MMAA: variants seen among roughly 807,000 people sequenced by gnomAD.
MMAA encodes metabolism of cobalamin associated A.
MMAA carries 41 observed loss-of-function variants against 45.0 expected under a neutral mutation model. The observed-to-expected ratio is 0.91, with a 90% confidence interval of 0.71 to 1.18. The LOEUF is 1.18. Ranked by LOEUF, MMAA falls within the 50% of genes most tolerant of loss-of-function variation. The pLI, the probability that MMAA is intolerant of heterozygous loss-of-function variation, is 0.00. For missense variants in MMAA, 460 were observed against 495.7 expected (o/e 0.93, Z 0.68); for synonymous variants, 154 against 178.2 (o/e 0.86, Z 1.08).
intron 1 of MMAA, chr4:145,624,758 A>G (rs981686321): frequency 3.1e-6 from 5 of 1,598,692 alleles, no homozygotes; most frequent in Admixed American, 1.7e-5. Flanking sequence ...TCTCCTCACA[A>G]TTCTCATCAT....
chr4:145,643,673 C>T (rs920896094), intron 3 of MMAA, among the ~76,000 whole-genome samples: 1 of 152,068 alleles, frequency 6.6e-6, no homozygotes, highest in Non-Finnish European at 1.5e-5. Flanking sequence ...AAAATTAAAT[C>T]CATGTCAATA....
chr4:145,639,291 G>T lies in MMAA; in HGVS notation c.152G>T (p.Cys51Phe). ...CCGTTTAATTCTCTTGGACTCCATT[G>T]TACAAAGTGGATGCTGCTGTCAGAT... ...AQPFNSLGLH[C>F]TKWMLLSDGL... The change falls in exon 2 of 7, where the codon TGT becomes TTT. Residue 51 changes from cysteine to phenylalanine, a missense_variant. By Grantham distance (205) the Cys-to-Phe change is radical (BLOSUM62 -2). Coordinates refer to ENST00000649156, the MANE Select transcript of MMAA (RefSeq NM_172250.3). The T allele has an allele frequency of 6.2e-7, 1 of 1,614,152 alleles. No homozygotes were observed. The highest frequency in any genetic ancestry group is 1.7e-5 in the Admixed American group (1 of 60,018).
chr4:145,621,672 T>G (rs1457064095), intron 1 of MMAA, among the ~76,000 whole-genome samples: 1 of 152,134 alleles, frequency 6.6e-6, no homozygotes, highest in African/African-American at 2.4e-5. Context: ...CATTGAGAAA[T>G]GGAAACACTT....
chr4:145,641,817 T>A (rs1010073308), intron 2 of MMAA, among the ~76,000 whole-genome samples: 1 of 152,236 alleles, frequency 6.6e-6, no homozygotes, highest in African/African-American at 2.4e-5. Flanking sequence ...TGGGGGAGTT[T>A]TCTGCTTTTC....
rs183055263 is a variant in MMAA, at chr4:145,650,146, T to C, written c.734-916T>C. 5.3e-5 allele frequency among the ~76,000 whole-genome samples: 8 copies of C among 152,316 alleles called. No homozygotes were observed. The East Asian group carries it at 1.5e-3, about 29-fold the overall frequency. Reference sequence around the variant, plus strand: ...TTTTTGTCTTGTTATTTTGTTGTTGTTGTTTTTGTTTTATGTGGCTTTAAG... The same window carrying C: ...TTTTTGTCTTGTTATTTTGTTGTTGCTGTTTTTGTTTTATGTGGCTTTAAG... On this transcript the variant is annotated intron_variant, in intron 4 of 6. Coordinates refer to ENST00000649156, the MANE Select transcript of MMAA (RefSeq NM_172250.3).
At position 145,655,239 on chromosome 4, in the gene MMAA, G is replaced by T. The variant is rs1380432629; in HGVS notation, c.1062G>T (p.Glu354Asp). 4.3e-6 allele frequency: 7 copies of T among 1,614,144 alleles called. No individual in the cohort carries two copies. The South Asian group carries it at 7.7e-5, about 18-fold the overall frequency. The stretch of plus-strand genomic sequence containing the variant: ...AGGACCTAATGCTTGCCAGTGGGGA[G>T]CTGACTGCCAAACGACGGAAGCAAC... Reference protein sequence around the residue: ...DFQDLMLASGELTAKRRKQQK... With the variant: ...DFQDLMLASGDLTAKRRKQQK... The change falls in exon 7 of 7, where the codon GAG becomes GAT. Residue 354 changes from glutamate (E) to aspartate (D), a missense_variant. Coordinates refer to ENST00000649156, the MANE Select transcript of MMAA (RefSeq NM_172250.3).
intron 1 of MMAA, chr4:145,625,726 G>A (rs1220719673): frequency 4.8e-6 from 7 of 1,464,016 alleles, no homozygotes; most frequent in Non-Finnish European, 6.7e-6. Context: ...TCCAGTTGAT[G>A]AATAAGACAA....
intron 1 of MMAA, among the ~76,000 whole-genome samples, chr4:145,636,270 C>T (rs1727605895): frequency 6.6e-6 from 1 of 152,174 alleles, no homozygotes; most frequent in African/African-American, 2.4e-5. Flanking sequence ...TCAGGCTTTT[C>T]CTTTCCATTC....
chr4:145,637,862 C>A (rs959109851), intron 1 of MMAA, among the ~76,000 whole-genome samples: 6 of 152,226 alleles, frequency 3.9e-5, no homozygotes, highest in African/African-American at 1.2e-4. Context: ...TTTGCTCTCA[C>A]AACCACTCTG....
chr4:145,627,620 T>C (rs962634241), intron 1 of MMAA, among the ~76,000 whole-genome samples: 1 of 152,122 alleles, frequency 6.6e-6, no homozygotes, highest in Admixed American at 6.5e-5. Context: ...ACAAATACTA[T>C]TTTTGAGGTG....
At chr4:145,630,840 G>A (rs1560792430) in intron 1 of MMAA, among the ~76,000 whole-genome samples, 1 of 152,092 alleles carries the variant, frequency 6.6e-6, no homozygotes, top group Non-Finnish European at 1.5e-5. Flanking sequence ...ATAGGTTTTG[G>A]TATGATGTGT....
intron 1 of MMAA, among the ~76,000 whole-genome samples, chr4:145,633,591 G>T (rs1381637813): frequency 6.6e-6 from 1 of 152,156 alleles, no homozygotes; most frequent in African/African-American, 2.4e-5. Flanking sequence ...TTGGTGCCTG[G>T]TGCCTTATTT....
intron 3 of MMAA, among the ~76,000 whole-genome samples, chr4:145,643,575 G>T (rs1560797938): frequency 6.6e-6 from 1 of 152,070 alleles, no homozygotes; most frequent in African/African-American, 2.4e-5. Flanking sequence ...TCATCCCATT[G>T]AGAAATCTAG....
intron 4 of MMAA, chr4:145,646,387 T>A (rs1727928878): frequency 2.0e-6 from 1 of 500,032 alleles, no homozygotes; most frequent in Admixed American, 3.3e-5. Flanking sequence ...GTTATACAGG[T>A]GGTATATTAT....
intron 4 of MMAA, 45 bp downstream of exon 4, chr4:145,646,201 T>C: frequency 6.2e-7 from 1 of 1,606,114 alleles, no homozygotes; most frequent in Non-Finnish European, 8.5e-7. Flanking sequence ...ATTTTATGAA[T>C]GCTATATAAA....
intron 4 of MMAA, chr4:145,650,608 G>A (rs1728063637): frequency 5.9e-6 from 1 of 169,700 alleles, no homozygotes; most frequent in Admixed American, 5.6e-5. Flanking sequence ...AGAGTTGAGT[G>A]ATTTCTCTCA....
intron 1 of MMAA, among the ~76,000 whole-genome samples, chr4:145,636,169 T>C (rs1297837856): frequency 6.6e-6 from 1 of 152,228 alleles, no homozygotes; most frequent in Non-Finnish European, 1.5e-5. Context: ...CAGCTCTTTT[T>C]TTCTTTTTAT....
chr4:145,651,070 C>A lies in MMAA; in HGVS notation c.742C>A (p.Gln248Lys). Residue 248 changes from glutamine to lysine, a missense_variant, in exon 5 of 7, where the codon CAG becomes AAG. Gln to Lys is a moderately conservative substitution (Grantham distance 53). Transcript: ENST00000649156. ...GTGATTTACAATTTCAGGTGTGGGT[C>A]AGTCGGAGTTTGCTGTTGCTGACAT... ...IILIETVGVG[Q>K]SEFAVADMVD... The A allele has an allele frequency of 6.2e-7, 1 of 1,614,014 alleles. No individual in the cohort carries two copies. Among genetic ancestry groups the A allele is most frequent in the South Asian group, 1.1e-5 (1 of 91,064 alleles).
At chr4:145,637,567 C>CTA (rs1727647539) in intron 1 of MMAA, among the ~76,000 whole-genome samples, 1 of 151,666 alleles carries the variant, frequency 6.6e-6, no homozygotes, top group African/African-American at 2.4e-5. Flanking sequence ...TGTTAAGAAG[C>CTA]TAAAATTAAT....
Sources: gnomAD v4.1 joint callset for allele counts (sites outside exome capture counted in the v4.1 genomes callset) on GRCh38, gnomAD v4.1.1 for gene constraint, MANE v1.5 for transcripts, NCBI Gene and HGNC (gene_info 2026-07-23, HGNC 2026-07-21) for gene names.